The following SHQ1 variants were observed in gnomAD, a reference collection of about 807,000 sequenced individuals.
The protein encoded by SHQ1 is SHQ1, H/ACA ribonucleoprotein assembly factor, also known as protein SHQ1 homolog.
A neutral mutation model predicts 53.8 loss-of-function variants in SHQ1; 49 were observed. The ratio of observed to expected loss-of-function variants is 0.91; its 90% confidence interval spans 0.72 to 1.16. The LOEUF is 1.16. Ranked by LOEUF, SHQ1 falls within the 50% of genes most tolerant of loss-of-function variation. The probability of loss-of-function intolerance (pLI) is 0.00; values close to 1 mark genes in which losing one functional copy is unlikely to be tolerated. For synonymous variants in SHQ1, 243 were observed against 251.0 expected, an observed-to-expected ratio of 0.97 and a Z score of 0.30; for missense variants, 738 against 683.1, an observed-to-expected ratio of 1.08 and a Z score of -0.90.
intron 10 of SHQ1, among the ~76,000 whole-genome samples, chr3:72,787,326 G>A (rs1404188686): frequency 6.6e-6 from 1 of 152,126 alleles, no homozygotes; most frequent in Non-Finnish European, 1.5e-5. Context: ...CTATACTAGA[G>A]AGGAAAAGTG....
At chr3:72,784,194 C>T (rs1290086123) in intron 10 of SHQ1, among the ~76,000 whole-genome samples, 6 of 150,578 alleles carry the variant, frequency 4.0e-5, no homozygotes, top group African/African-American at 1.2e-4. Context: ...AAAAATATCC[C>T]ATAAACCTTT....
intron 10 of SHQ1, among the ~76,000 whole-genome samples, chr3:72,762,038 A>G (rs985355983): frequency 1.3e-5 from 2 of 152,206 alleles, no homozygotes; most frequent in Non-Finnish European, 2.9e-5. Context: ...TTTTGAGGAC[A>G]GTCTGCACAT....
chr3:72,734,951 G>A, the SHQ1 span, among the ~76,000 whole-genome samples: 5 of 151,698 alleles, frequency 3.3e-5, no homozygotes, highest in Admixed American at 2.0e-4. Flanking sequence ...TGCCCAGTAT[G>A]GCTGTGGAAT....
chr3:72,840,868 C>A (rs1708158703), intron 4 of SHQ1, among the ~76,000 whole-genome samples, 177 bp downstream of exon 4: 1 of 152,174 alleles, frequency 6.6e-6, no homozygotes, highest in African/African-American at 2.4e-5. Context: ...TTAGGCAGAA[C>A]AGCCAATGAA....
intron 4 of SHQ1, among the ~76,000 whole-genome samples, chr3:72,833,581 C>G (rs939384545): frequency 6.8e-6 from 1 of 146,836 alleles, no homozygotes; most frequent in African/African-American, 2.5e-5. Flanking sequence ...AGAATTTTTA[C>G]GGGCAATTTT....
Position 72,834,894 on chromosome 3 carries a change from A to G in SHQ1, c.487-2413T>C, listed in dbSNP as rs12493786. The stretch of plus-strand genomic sequence containing the variant: ...CCTCTTTGCTTCCTGTGCTATAACA[A>G]ATTTGCACAAACTTGGGCTTAACAC... On this transcript the variant is annotated intron_variant, in intron 4 of 10. Transcript: ENST00000325599. Among the ~76,000 whole-genome samples, 1,908 of 152,130 alleles carry G rather than the reference A, an allele frequency of 0.013. 134 individuals are homozygous for G. The East Asian group carries it at 0.2, about 16-fold the overall frequency.
chr3:72,809,951 T>C (rs1285781759), intron 9 of SHQ1: 1 of 150,154 alleles, frequency 6.7e-6, no homozygotes, highest in African/African-American at 2.5e-5. Flanking sequence ...CAGAGCAAAA[T>C]TCTGTCCAAA....
At chr3:72,751,498 G>GTA (rs1274696079) in intron 10 of SHQ1, among the ~76,000 whole-genome samples, 17 of 119,850 alleles carry the variant, frequency 1.4e-4, no homozygotes, top group African/African-American at 4.9e-4. Flanking sequence ...GTGTGTGTGT[G>GTA]TGTGTGTGTG....
chr3:72,795,362 T>C (rs549539473), intron 9 of SHQ1: 12 of 152,284 alleles, frequency 7.9e-5, no homozygotes, highest in African/African-American at 2.9e-4. Context: ...TTAGTGTGGA[T>C]CACCCCAGCA....
rs779244341 is a variant in SHQ1 at position 72,846,319 on chromosome 3, C to A, written c.143+1879G>T. On this transcript the variant is annotated intron_variant, in intron 1 of 10. Transcript: ENST00000325599. ...TGTTCTTTTTTTTTTTTTTTTTAGACAGTCTCGCTCTGTTACTCAGGCTGG... is the reference window on the plus strand; with the variant it reads ...TGTTCTTTTTTTTTTTTTTTTTAGAAAGTCTCGCTCTGTTACTCAGGCTGG... 1.4e-3 allele frequency: 2,049 copies of A among 1,439,290 alleles called. 18 individuals are homozygous for A. In the African/African-American group the frequency reaches 0.019, roughly 13 times the overall value. The allele number at this position is 1,439,290 out of a possible 1,614,324, so 89.2% of individuals were successfully genotyped here. A position where few individuals can be genotyped will look rare whatever the true frequency, so the allele number is the denominator to read the frequency against.
intron 9 of SHQ1, chr3:72,794,480 C>T (rs1575698603): frequency 6.6e-6 from 1 of 152,194 alleles, no homozygotes; most frequent in South Asian, 2.1e-4. Context: ...TTCTTTCATT[C>T]TACGGTCTCA....
intron 1 of SHQ1, among the ~76,000 whole-genome samples, chr3:72,845,577 T>G (rs1708303994): frequency 6.6e-6 from 1 of 152,194 alleles, no homozygotes; most frequent in Non-Finnish European, 1.5e-5. Context: ...TCCAAAATAA[T>G]TTTTCTAAAA....
At chr3:72,792,395 T>C (rs1706466431) in intron 10 of SHQ1, among the ~76,000 whole-genome samples, 1 of 152,190 alleles carries the variant, frequency 6.6e-6, no homozygotes, top group South Asian at 2.1e-4. Context: ...CTTTTTACCA[T>C]CTGTGTACCT....
At chr3:72,822,339 C>A (rs545669788) in intron 6 of SHQ1, among the ~76,000 whole-genome samples, 3 of 152,122 alleles carry the variant, frequency 2.0e-5, no homozygotes, top group Non-Finnish European at 4.4e-5. Context: ...GATGCACCAG[C>A]CTGGCTATCA....
chr3:72,817,681 T>C (rs1236735898), intron 6 of SHQ1, among the ~76,000 whole-genome samples: 5 of 152,220 alleles, frequency 3.3e-5, no homozygotes, highest in Non-Finnish European at 4.4e-5. Context: ...GAATGCCAGT[T>C]ACTGTCTTTA....
At chr3:72,809,870 A>T (rs1400460086) in intron 9 of SHQ1, 5 of 152,022 alleles carry the variant, frequency 3.3e-5, no homozygotes, top group African/African-American at 7.3e-5. Flanking sequence ...GGGGCATGAG[A>T]ATTTCTTGAA....
chr3:72,809,202 C>T (rs1437786261), intron 9 of SHQ1, among the ~76,000 whole-genome samples: 1 of 152,064 alleles, frequency 6.6e-6, no homozygotes, highest in Non-Finnish European at 1.5e-5. Flanking sequence ...TGAAAGGGGT[C>T]CTCCTCCCTG....
At chr3:72,757,956 C>G (rs899833168) in intron 10 of SHQ1, among the ~76,000 whole-genome samples, 3 of 152,154 alleles carry the variant, frequency 2.0e-5, no homozygotes, top group African/African-American at 7.2e-5. Context: ...CAAACCTGCA[C>G]GTGTCCCTGA....
intron 10 of SHQ1, among the ~76,000 whole-genome samples, chr3:72,755,274 AGATG>A (rs879644608): frequency 3.9e-4 from 59 of 150,354 alleles, no homozygotes; most frequent in African/African-American, 1.1e-3. Context: ...ATAGATGGAT[AGATG>A]GATGGATGGA....
Sources: allele counts gnomAD v4.1 joint callset (sites outside exome capture counted in the v4.1 genomes callset), GRCh38; gene constraint gnomAD v4.1.1; transcripts MANE v1.5; gene names NCBI Gene and HGNC (gene_info 2026-07-23, HGNC 2026-07-21).